Variants in ADAMTS2 observed in about 807,000 individuals in gnomAD.
ADAMTS2 encodes the protein ADAM metallopeptidase with thrombospondin type 1 motif 2, also known as A disintegrin and metalloproteinase with thrombospondin motifs 2.
In ADAMTS2, 50 loss-of-function variants were observed where a neutral mutation model predicts 123.0. The observed-to-expected ratio is 0.41, with a 90% CI of 0.32 to 0.51. The LOEUF (loss-of-function observed/expected upper bound fraction) is 0.51. ADAMTS2 is among the 20% of genes least tolerant of loss of function. The probability of loss-of-function intolerance (pLI) is 0.35; values close to 1 mark genes in which losing one functional copy is unlikely to be tolerated. For missense variants in ADAMTS2, 1,494 were observed against 1,705.2 expected (o/e 0.88, Z 2.18); for synonymous variants, 678 against 695.4 (o/e 0.98, Z 0.39).
intron 2 of ADAMTS2, among the ~76,000 whole-genome samples, chr5:179,278,744 T>C (rs951570048): frequency 1.3e-5 from 2 of 151,960 alleles, no homozygotes; most frequent in African/African-American, 4.8e-5. Context: ...TCCCTGACCT[T>C]CAGGTGCCAC....
chr5:179,158,828 A>C lies in ADAMTS2; in HGVS notation c.1027T>G (p.Cys343Gly). 3 of 1,614,226 alleles carry C rather than the reference A, an allele frequency of 1.9e-6. No homozygotes were observed. The highest frequency in any genetic ancestry group is 2.5e-6 in the Non-Finnish European group (3 of 1,180,048). Residue 343 changes from cysteine (C) to glycine (G), a missense_variant, in exon 6 of 22, where the codon TGC becomes GGC. Physicochemically the swap from Cys to Gly is radical, Grantham distance 159. This residue lies in a region of ADAMTS2 where 70 missense variants were observed against 85.3 expected (regional missense o/e 0.82). Coordinates refer to ENST00000251582, the MANE Select transcript of ADAMTS2 (RefSeq NM_014244.5). This position sits in a 1 kb window ranked among gnomAD's most constrained non-coding sequence, Gnocchi z 5.0. ...TTCTGCTGGAGGTAGGCCCAGCGGC[A>C]GACATTCTCCAGGCTCTGAGAGGGG... ...GNPSQSLENV[C>G]RWAYLQQKPD... is the part of the protein sequence containing the mutation.
intron 2 of ADAMTS2, among the ~76,000 whole-genome samples, chr5:179,306,714 A>T (rs1165624093): frequency 6.6e-6 from 1 of 152,106 alleles, no homozygotes; most frequent in Non-Finnish European, 1.5e-5. Flanking sequence ...TGGCCCCTAA[A>T]GCCTAGGGGA....
At chr5:179,194,546 G>A (rs1033795601) in intron 4 of ADAMTS2, among the ~76,000 whole-genome samples, 16 of 152,312 alleles carry the variant, frequency 1.1e-4, no homozygotes, top group Admixed American at 6.5e-4. Flanking sequence ...AATGCTGTGG[G>A]GAGGTCAGTG....
At chr5:179,302,873 T>C (rs1047381997) in intron 2 of ADAMTS2, among the ~76,000 whole-genome samples, 2 of 147,216 alleles carry the variant, frequency 1.4e-5, no homozygotes, top group Non-Finnish European at 3.0e-5. Context: ...AGACCTGCCA[T>C]GTTTGAGGAA....
chr5:179,213,167 C>T (rs1401439313), intron 3 of ADAMTS2, among the ~76,000 whole-genome samples: 2 of 152,182 alleles, frequency 1.3e-5, no homozygotes, highest in Admixed American at 6.5e-5. Context: ...TGTCCCCTCT[C>T]CATGGGATGG....
intron 8 of ADAMTS2, 106 bp from the exon 9 acceptor site, chr5:179,153,729 G>A: frequency 6.9e-7 from 1 of 1,446,332 alleles, no homozygotes; most frequent in Non-Finnish European, 9.3e-7. Flanking sequence ...AGCCCTACCT[G>A]CACATCCCGG....
intron 10 of ADAMTS2, among the ~76,000 whole-genome samples, chr5:179,150,514 C>A: frequency 6.6e-6 from 1 of 152,178 alleles, no homozygotes; most frequent in Admixed American, 6.5e-5. Flanking sequence ...AAGGTGGAAA[C>A]CAACCAAATG....
intron 3 of ADAMTS2, among the ~76,000 whole-genome samples, chr5:179,243,099 T>A (rs988019662): frequency 3.3e-5 from 5 of 150,464 alleles, no homozygotes; most frequent in African/African-American, 1.2e-4. Context: ...AAGAGGAGGC[T>A]GACAGCTCTA....
At chr5:179,211,624 ACT>A (rs1462140796) in intron 3 of ADAMTS2, among the ~76,000 whole-genome samples, 1 of 152,114 alleles carries the variant, frequency 6.6e-6, no homozygotes, top group African/African-American at 2.4e-5. Flanking sequence ...GAACAAAAAG[ACT>A]CTATCGAAGA....
intron 2 of ADAMTS2, among the ~76,000 whole-genome samples, chr5:179,276,939 G>A (rs988630717): frequency 4.6e-5 from 7 of 152,276 alleles, no homozygotes; most frequent in Admixed American, 1.3e-4. Context: ...CTCTCTGGCC[G>A]GAGTAACCCG....
Position 179,187,782 on chromosome 5 carries a change from C to T in ADAMTS2, c.892-6627G>A, listed in dbSNP as rs189911822. ...AACCTTGGGGGGAAATGTTCAAAGC[C>T]GCAGCCATCTCTGTGCGGAGAGAGG... On this transcript the variant is annotated intron_variant, in intron 4 of 21. Transcript: ENST00000251582. Among the ~76,000 whole-genome samples the T allele has an allele frequency of 2.4e-3, 367 of 152,290 alleles. 2 individuals are homozygous for T. Among genetic ancestry groups the T allele is most frequent in the African/African-American group, 8.4e-3 (351 of 41,544 alleles).
Position 179,154,795 on chromosome 5 carries a change from C to A in ADAMTS2, c.1238+19G>T, listed in dbSNP as rs766000231. ...CTAGGGTGGCCCCTCTGTGCCCCAC[C>A]CTTCCCCAGGCCACTTACACGTGGC... is the stretch of plus-strand genomic sequence containing the variant. On this transcript the variant is annotated intron_variant, in intron 7 of 21. Coordinates refer to ENST00000251582, the MANE Select transcript of ADAMTS2 (RefSeq NM_014244.5). 6.3e-7 allele frequency: 1 copy of A among 1,593,698 alleles called. No homozygotes were observed.
Position 179,124,988 on chromosome 5 carries a change from G to A in ADAMTS2, c.2943C>T (p.Ala981=), listed in dbSNP as rs139382256. 1.6e-5 allele frequency: 26 copies of A among 1,606,240 alleles called. No homozygotes were observed. The highest frequency in any genetic ancestry group is 5.4e-5 in the African/African-American group (4 of 74,010). Residue 981 remains alanine (A), a synonymous_variant, in exon 19 of 22, where the codon GCC becomes GCT. Coordinates refer to ENST00000251582, the MANE Select transcript of ADAMTS2 (RefSeq NM_014244.5). ...SRELCPGRWR[A]GPWSQCSVTC... ...GATTGCGTACCTGGGACCAGGGCCC[G>A]GCTCGCCAACGACCAGGGCAGAGCT...
At chr5:179,141,094 C>T (rs558108955) in intron 10 of ADAMTS2, among the ~76,000 whole-genome samples, 505 of 152,070 alleles carry the variant, frequency 3.3e-3, no homozygotes, top group Admixed American at 5.9e-3. Context: ...GGATTACAGG[C>T]GTGAGCCACC....
At chr5:179,329,479 T>G (rs1757422976) in intron 2 of ADAMTS2, among the ~76,000 whole-genome samples, 1 of 151,948 alleles carries the variant, frequency 6.6e-6, no homozygotes, top group African/African-American at 2.4e-5. Flanking sequence ...AGCATGGCAA[T>G]TTAGAAAAAA....
In ADAMTS2 at chr5:179,242,360, A is replaced by C. The variant is rs4700789; in HGVS notation, c.688+30551T>G. Among the ~76,000 whole-genome samples, 3 of 151,940 alleles carry C rather than the reference A, an allele frequency of 2.0e-5. 1 individual carries two copies. In the South Asian group the frequency reaches 6.2e-4, roughly 32 times the overall value. ...TACCTTGAATGACCCTGACATATCC[A>C]GTGTCTTCTACCTTCCTTATTGCTG... On this transcript the variant is annotated intron_variant, in intron 3 of 21. Coordinates refer to ENST00000251582, the MANE Select transcript of ADAMTS2 (RefSeq NM_014244.5). The surrounding 1 kb of genome is among the most constrained non-coding windows in gnomAD (Gnocchi z 4.2).
intron 5 of ADAMTS2, among the ~76,000 whole-genome samples, chr5:179,171,082 A>T (rs924582964): frequency 3.9e-5 from 6 of 152,216 alleles, no homozygotes; most frequent in African/African-American, 1.4e-4. Context: ...ATCCAGACCT[A>T]GAGTTTTTGG....
At chr5:179,173,440 A>C (rs1167719342) in intron 5 of ADAMTS2, among the ~76,000 whole-genome samples, 1 of 152,110 alleles carries the variant, frequency 6.6e-6, no homozygotes, top group Non-Finnish European at 1.5e-5. Flanking sequence ...TCAAACAACA[A>C]ACAGCTTTAG....
intron 5 of ADAMTS2, among the ~76,000 whole-genome samples, chr5:179,169,584 G>T (rs1260645324): frequency 6.6e-6 from 1 of 152,138 alleles, no homozygotes; most frequent in Non-Finnish European, 1.5e-5. Flanking sequence ...AGGACAGGGG[G>T]CTGTCCCTGG....
Sources: gnomAD v4.1 joint callset for allele counts (sites outside exome capture counted in the v4.1 genomes callset) on GRCh38, gnomAD v4.1.1 for gene constraint, gnomAD v4.1.1 regional missense constraint, Gnocchi (gnomAD v3.1) non-coding constraint, MANE v1.5 for transcripts, NCBI Gene and HGNC (gene_info 2026-07-23, HGNC 2026-07-21) for gene names.